FMN1: variants seen among roughly 807,000 people sequenced by gnomAD.
FMN1 encodes the protein formin 1, also known as formin-1.
Under a neutral mutation model 132.4 loss-of-function variants are expected in FMN1, and 110 were observed. That is an observed-to-expected ratio of 0.83 (90% confidence interval 0.71 to 0.97). The LOEUF is 0.97. FMN1 is among the 50% of genes least tolerant of loss of function. The pLI is 0.00. For synonymous variants in FMN1, 722 were observed against 651.7 expected, an observed-to-expected ratio of 1.11 and a Z score of -1.64; for missense variants, 1,792 against 1,705.3, an observed-to-expected ratio of 1.05 and a Z score of -0.90.
chr15:33,167,958 G>A (rs1965173803), intron 3 of FMN1, among the ~76,000 whole-genome samples: 1 of 152,140 alleles, frequency 6.6e-6, no homozygotes, highest in Non-Finnish European at 1.5e-5. Flanking sequence ...GGAGAGACAG[G>A]CACACTTGGT....
At chr15:32,823,903 T>G (rs776369753) in intron 17 of FMN1, among the ~76,000 whole-genome samples, 2 of 152,358 alleles carry the variant, frequency 1.3e-5, no homozygotes, top group East Asian at 3.9e-4. Context: ...GTGGAAGGCA[T>G]GGAGCCTGGA....
chr15:33,183,501 C>A (rs1435112575), intron 2 of FMN1, among the ~76,000 whole-genome samples: 1 of 152,142 alleles, frequency 6.6e-6, no homozygotes, highest in Non-Finnish European at 1.5e-5. Context: ...TACTCAACAT[C>A]GAATTTCTAT....
At chr15:33,102,311 A>C (rs1468998643) in intron 4 of FMN1, among the ~76,000 whole-genome samples, 1 of 152,180 alleles carries the variant, frequency 6.6e-6, no homozygotes, top group Non-Finnish European at 1.5e-5. Context: ...GCTATTGTTG[A>C]AATGAGAAGA....
intron 5 of FMN1, among the ~76,000 whole-genome samples, chr15:33,083,167 A>G (rs1320829123): frequency 1.3e-5 from 2 of 152,236 alleles, no homozygotes; most frequent in Non-Finnish European, 2.9e-5. Context: ...TCCTGGACAG[A>G]ACTTCTAAAA....
intron 10 of FMN1, among the ~76,000 whole-genome samples, chr15:32,921,700 A>C (rs957121834): frequency 6.9e-6 from 1 of 145,166 alleles, no homozygotes; most frequent in Non-Finnish European, 1.5e-5. Flanking sequence ...TTTCGAGATA[A>C]GAGTCTTGCT....
chr15:33,001,687 TCCCCTTCCGCC>T (rs2140912977), intron 7 of FMN1, among the ~76,000 whole-genome samples: 2 of 85,626 alleles, frequency 2.3e-5, no homozygotes, highest in South Asian at 8.9e-4. Flanking sequence ...CTCCTCCCCC[TCCCCTTCCGCC>T]TCCCCCTTCC....
intron 16 of FMN1, among the ~76,000 whole-genome samples, chr15:32,873,256 G>A (rs2059558309): frequency 6.6e-6 from 1 of 152,214 alleles, no homozygotes; most frequent in Non-Finnish European, 1.5e-5. Context: ...TATAAAGAAG[G>A]CTGCATTGTC....
chr15:32,778,835 T>C (rs553943881), intron 19 of FMN1, among the ~76,000 whole-genome samples: 7 of 152,138 alleles, frequency 4.6e-5, no homozygotes, highest in South Asian at 2.1e-4. Context: ...ACTAAGAAAA[T>C]TGAAAAGATG....
In FMN1 at chr15:32,771,086, T is replaced by C. The variant is rs970816540; in HGVS notation, c.*3224A>G. On this transcript the variant is annotated 3_prime_UTR_variant, in exon 21 of 21. Transcript: ENST00000616417. ...GGTTTTTGATACTTCATGGGCCTGATGCTTTTTTTTTTGAAACGGAGTCTC... is the reference window on the plus strand; with the variant it reads ...GGTTTTTGATACTTCATGGGCCTGACGCTTTTTTTTTTGAAACGGAGTCTC... 6 of 143,076 alleles carry C rather than the reference T, an allele frequency of 4.2e-5. No individual in the cohort carries two copies. The highest frequency in any genetic ancestry group is 3.5e-3 in the Middle Eastern group (1 of 286). The allele number at this position is 143,076 out of a possible 1,614,324, so 8.9% of individuals were successfully genotyped here. A position where few individuals can be genotyped will look rare whatever the true frequency, so the allele number is the denominator to read the frequency against.
intron 17 of FMN1, among the ~76,000 whole-genome samples, chr15:32,852,848 A>G (rs1232932610): frequency 6.6e-6 from 1 of 152,182 alleles, no homozygotes; most frequent in African/African-American, 2.4e-5. Flanking sequence ...TGTCAGACAA[A>G]GTTCAGATTC....
chr15:32,855,207 C>G (rs942950388), intron 17 of FMN1, among the ~76,000 whole-genome samples: 2 of 150,834 alleles, frequency 1.3e-5, no homozygotes, highest in African/African-American at 4.9e-5. Context: ...AATCTGATGC[C>G]TGGCCCCACC....
Position 32,898,749 on chromosome 15 carries a change from C to T in FMN1, c.3714+85G>A, listed in dbSNP as rs527985968. On this transcript the variant is annotated intron_variant, in intron 15 of 20. Transcript: ENST00000616417. ...CATATTCTATGTTGGGCTTGCAGTT[C>T]GTTCATCCATCTATCCATCATCCAA... The T allele has an allele frequency of 6.0e-4, 518 of 861,152 alleles. 1 individual carries two copies. Among genetic ancestry groups the T allele is most frequent in the Non-Finnish European group, 8.0e-4 (415 of 517,800 alleles). 53.3% of individuals were successfully genotyped at this position (861,152 alleles called of 1,614,324 possible).
intron 6 of FMN1, among the ~76,000 whole-genome samples, chr15:33,051,124 A>G (rs2036949782): frequency 6.6e-6 from 1 of 152,196 alleles, no homozygotes; most frequent in African/African-American, 2.4e-5. Flanking sequence ...TATAGAGTGA[A>G]GGATGATTTT....
intron 4 of FMN1, chr15:33,105,677 T>C (rs1437929513): frequency 6.6e-6 from 1 of 152,194 alleles, no homozygotes; most frequent in Middle Eastern, 3.2e-3. Flanking sequence ...GATTAATTAC[T>C]TCCTGTTTTC....
chr15:32,983,719 T>G (rs535924690), intron 7 of FMN1, among the ~76,000 whole-genome samples: 7 of 152,256 alleles, frequency 4.6e-5, no homozygotes, highest in African/African-American at 1.7e-4. Context: ...GTCCGAAAAG[T>G]ATCTAAAGCA....
intron 6 of FMN1, among the ~76,000 whole-genome samples, chr15:33,034,360 A>G (rs888307464): frequency 1.1e-4 from 16 of 152,092 alleles, no homozygotes; most frequent in African/African-American, 3.6e-4. Flanking sequence ...AGACTGCTTG[A>G]GCCTAGGAGT....
At chr15:32,967,281 G>A (rs1443834690) in intron 8 of FMN1, among the ~76,000 whole-genome samples, 3 of 152,132 alleles carry the variant, frequency 2.0e-5, no homozygotes, top group Admixed American at 6.5e-5. Context: ...TGGCTGCTGT[G>A]GTCCACAGTT....
At chr15:32,834,943 T>C (rs1467801590) in intron 17 of FMN1, among the ~76,000 whole-genome samples, 1 of 152,246 alleles carries the variant, frequency 6.6e-6, no homozygotes, top group African/African-American at 2.4e-5. Flanking sequence ...CCAAAGCTTT[T>C]AAAAGTCTTG....
chr15:32,922,662 C>G (rs1215401649), intron 10 of FMN1, among the ~76,000 whole-genome samples: 3 of 152,298 alleles, frequency 2.0e-5, no homozygotes, highest in Admixed American at 1.3e-4. Context: ...CTGAAACACA[C>G]AAAACTGTTA....
Sources: gnomAD v4.1 joint callset for allele counts (sites outside exome capture counted in the v4.1 genomes callset) on GRCh38, gnomAD v4.1.1 for gene constraint, MANE v1.5 for transcripts, NCBI Gene and HGNC (gene_info 2026-07-23, HGNC 2026-07-21) for gene names.